Variants in RABL3 observed in about 807,000 individuals in gnomAD.
The protein encoded by RABL3 is rab-like protein 3.
Under a neutral mutation model 31.8 loss-of-function variants are expected in RABL3, and 31 were observed. The observed-to-expected ratio is 0.97, with a 90% CI of 0.73 to 1.31. The LOEUF is 1.31. Ranked by LOEUF, RABL3 falls within the 40% of genes most tolerant of loss-of-function variation. The pLI, the probability that RABL3 is intolerant of heterozygous loss-of-function variation, is 0.00. For synonymous variants in RABL3, 97 were observed against 99.9 expected (o/e 0.97, Z 0.18); for missense variants, 263 against 279.6 (o/e 0.94, Z 0.42).
intron 6 of RABL3, among the ~76,000 whole-genome samples, chr3:120,691,505 T>C (rs1708379824): frequency 6.6e-6 from 1 of 152,214 alleles, no homozygotes; most frequent in East Asian, 1.9e-4. Flanking sequence ...AAAATAGGCT[T>C]GTGTTAGATG....
intron 6 of RABL3, among the ~76,000 whole-genome samples, chr3:120,691,313 A>G (rs564273135): frequency 5.8e-4 from 89 of 152,352 alleles, no homozygotes; most frequent in African/African-American, 2.1e-3. Context: ...ATGGTTACAG[A>G]GGAAGTATTA....
chr3:120,714,112 T>C (rs1708641790), intron 2 of RABL3, among the ~76,000 whole-genome samples: 1 of 152,188 alleles, frequency 6.6e-6, no homozygotes, highest in African/African-American at 2.4e-5. Flanking sequence ...GCCTGGCCCA[T>C]TGTTTGTAAC....
At chr3:120,733,171 T>C (rs1157868412) in intron 1 of RABL3, among the ~76,000 whole-genome samples, 3 of 152,230 alleles carry the variant, frequency 2.0e-5, no homozygotes, top group Admixed American at 2.0e-4. Context: ...TAGTTTACAG[T>C]TCCACCAACA....
At chr3:120,694,694 G>A (rs1242656034) in intron 5 of RABL3, among the ~76,000 whole-genome samples, 1 of 152,032 alleles carries the variant, frequency 6.6e-6, no homozygotes, top group Non-Finnish European at 1.5e-5. Context: ...ATTTAGAGGT[G>A]CAAAGAACAA....
intron 4 of RABL3, among the ~76,000 whole-genome samples, chr3:120,701,341 T>C (rs1708489603): frequency 6.6e-6 from 1 of 152,202 alleles, no homozygotes; most frequent in Non-Finnish European, 1.5e-5. Context: ...TTTGATGCTA[T>C]ACAATAATGC....
At chr3:120,711,970 T>C (rs1351281190) in intron 2 of RABL3, among the ~76,000 whole-genome samples, 1 of 152,140 alleles carries the variant, frequency 6.6e-6, no homozygotes, top group Non-Finnish European at 1.5e-5. Context: ...TTTCTTTGCC[T>C]ATAAAATGAA....
chr3:120,730,761 G>A lies in RABL3; in HGVS notation c.73C>T (p.Leu25Phe), dbSNP rs1200632467. The A allele has an allele frequency of 1.2e-6, 2 of 1,613,514 alleles. No individual in the cohort carries two copies. Among genetic ancestry groups the A allele is most frequent in the African/African-American group, 1.3e-5 (1 of 74,908 alleles). ...SGVGKSSLVH[L>F]LCQNQVLGNP... ...CCCAGCACTTGATTTTGGCATAGGA[G>A]ATGGACTAACGAAGATTTCCCAACA... Residue 25 changes from leucine to phenylalanine, a missense_variant, in exon 2 of 8, where the codon CTC becomes TTC. Leu to Phe is a conservative substitution (Grantham distance 22). Coordinates refer to ENST00000273375, the MANE Select transcript of RABL3 (RefSeq NM_173825.5).
chr3:120,730,622 G>T, intron 2 of RABL3, 74 bp downstream of exon 2: 1 of 1,009,572 alleles, frequency 9.9e-7, no homozygotes, highest in Non-Finnish European at 1.5e-6. Flanking sequence ...CCATAGTACT[G>T]TAATTTGATC....
Position 120,694,276 on chromosome 3 carries a change from G to A in RABL3, c.535-52C>T, listed in dbSNP as rs375428817. ...ATTGAAAGTTAGGAAACCCAAGCTC[G>A]TTGCTATTCATAACTTATCCTGTTG... On this transcript the variant is annotated intron_variant, in intron 5 of 7. Coordinates refer to ENST00000273375, the MANE Select transcript of RABL3 (RefSeq NM_173825.5). The A allele has an allele frequency of 1.8e-4, 221 of 1,221,686 alleles. No homozygotes were observed. In the African/African-American group the frequency reaches 2.7e-3, roughly 15 times the overall value. 75.7% of individuals were successfully genotyped at this position (1,221,686 alleles called of 1,614,324 possible). A position where few individuals can be genotyped will look rare whatever the true frequency, so the allele number is the denominator to read the frequency against.
At chr3:120,691,558 T>C (rs1708380502) in intron 6 of RABL3, among the ~76,000 whole-genome samples, 1 of 152,186 alleles carries the variant, frequency 6.6e-6, no homozygotes, top group African/African-American at 2.4e-5. Context: ...CTGAGCATGT[T>C]TAAGGAAGGC....
intron 4 of RABL3, among the ~76,000 whole-genome samples, chr3:120,699,162 T>G (rs566315452): frequency 6.6e-6 from 1 of 152,042 alleles, no homozygotes; most frequent in East Asian, 1.9e-4. Flanking sequence ...AAATCAAATA[T>G]AGGTGATACT....
intron 1 of RABL3, among the ~76,000 whole-genome samples, chr3:120,733,695 C>T (rs1391622318): frequency 1.3e-5 from 2 of 152,106 alleles, no homozygotes; most frequent in Admixed American, 6.6e-5. Context: ...TTAGGTCTAA[C>T]GTTTAAGTCT....
intron 2 of RABL3, among the ~76,000 whole-genome samples, chr3:120,725,632 T>C (rs1381703301): frequency 6.6e-6 from 1 of 152,092 alleles, no homozygotes; most frequent in Middle Eastern, 3.2e-3. Flanking sequence ...AAATGATGAG[T>C]TCATGTCCTT....
chr3:120,706,279 A>G (rs1037380678), intron 3 of RABL3, among the ~76,000 whole-genome samples, 165 bp from the exon 4 acceptor site: 7 of 152,158 alleles, frequency 4.6e-5, no homozygotes, highest in African/African-American at 1.7e-4. Flanking sequence ...TTCTCTACAA[A>G]TATTTATAAA....
At chr3:120,691,280 G>A (rs1336960964) in intron 6 of RABL3, among the ~76,000 whole-genome samples, 2 of 152,158 alleles carry the variant, frequency 1.3e-5, no homozygotes, top group African/African-American at 2.4e-5. Context: ...AATAAATTCT[G>A]TTCTGACACT....
chr3:120,707,279 G>T (rs1160156504), intron 3 of RABL3, among the ~76,000 whole-genome samples: 1 of 151,942 alleles, frequency 6.6e-6, no homozygotes, highest in Non-Finnish European at 1.5e-5. Context: ...AACTAATAGA[G>T]ATCTGACACT....
chr3:120,702,492 G>A (rs1708503308), intron 4 of RABL3, among the ~76,000 whole-genome samples: 1 of 151,992 alleles, frequency 6.6e-6, no homozygotes, highest in African/African-American at 2.4e-5. Flanking sequence ...GTGTGGCCTG[G>A]TTCCTAACAG....
At chr3:120,734,017 T>G (rs572656745) in intron 1 of RABL3, among the ~76,000 whole-genome samples, 2 of 152,348 alleles carry the variant, frequency 1.3e-5, no homozygotes, top group East Asian at 3.9e-4. Flanking sequence ...TAGCTTAGGA[T>G]TGTCTTCGAA....
intron 2 of RABL3, among the ~76,000 whole-genome samples, chr3:120,720,870 A>G (rs1473960005): frequency 6.6e-6 from 1 of 152,224 alleles, no homozygotes; most frequent in Non-Finnish European, 1.5e-5. Flanking sequence ...AGCAACTCCA[A>G]GACACATAAT....
Sources: gnomAD v4.1 joint callset for allele counts (sites outside exome capture counted in the v4.1 genomes callset) on GRCh38, gnomAD v4.1.1 for gene constraint, MANE v1.5 for transcripts, NCBI Gene and HGNC (gene_info 2026-07-23, HGNC 2026-07-21) for gene names.